PCDH9: variants seen among roughly 807,000 people sequenced by gnomAD.
The protein encoded by PCDH9 is protocadherin 9, also known as protocadherin-9.
In PCDH9, 24 loss-of-function variants were observed where a neutral mutation model predicts 70.6. That is an observed-to-expected ratio of 0.34 (90% confidence interval 0.25 to 0.48). The LOEUF (loss-of-function observed/expected upper bound fraction) is 0.48, where lower values mean the gene tolerates loss of function less well. PCDH9 is among the 20% of genes least tolerant of loss of function. The probability of loss-of-function intolerance (pLI) is 0.99; values close to 1 mark genes in which losing one functional copy is unlikely to be tolerated. For synonymous variants in PCDH9, 562 were observed against 558.5 expected, an observed-to-expected ratio of 1.01 and a Z score of -0.09; for missense variants, 1,281 against 1,503.6, an observed-to-expected ratio of 0.85 and a Z score of 2.45.
intron 4 of PCDH9, among the ~76,000 whole-genome samples, chr13:66,608,191 C>G (rs2138862697): frequency 6.6e-6 from 1 of 151,702 alleles, no homozygotes; most frequent in South Asian, 2.1e-4. Context: ...TAGGTATATA[C>G]AGTTCAGTAA....
At chr13:66,547,579 C>A (rs748617736) in intron 4 of PCDH9, among the ~76,000 whole-genome samples, 20 of 152,024 alleles carry the variant, frequency 1.3e-4, no homozygotes, top group Non-Finnish European at 2.4e-4. Context: ...AGAATATAGT[C>A]TTTCTTGTTA....
chr13:66,406,459 A>G (rs1369164621), intron 4 of PCDH9, among the ~76,000 whole-genome samples: 3 of 152,192 alleles, frequency 2.0e-5, no homozygotes, highest in Non-Finnish European at 4.4e-5. Context: ...ACTAATATTT[A>G]CTGTAACGCT....
chr13:67,017,141 T>C (rs1411518501), intron 2 of PCDH9, among the ~76,000 whole-genome samples: 1 of 152,220 alleles, frequency 6.6e-6, no homozygotes, highest in Non-Finnish European at 1.5e-5. Flanking sequence ...AAGCTGGCCA[T>C]GTCCTGTCTT....
intron 2 of PCDH9, among the ~76,000 whole-genome samples, chr13:66,953,798 G>A (rs947815016): frequency 2.0e-5 from 3 of 152,078 alleles, no homozygotes; most frequent in African/African-American, 4.8e-5. Flanking sequence ...TTTCTCCTCA[G>A]GTTCAGAATT....
At position 66,860,617 on chromosome 13, in the gene PCDH9, A is replaced by T. The variant is rs1042913705; in HGVS notation, c.3138+42887T>A. ...GGTCTTGCTATCTAAAGATATCAGCATGCAAGAAGTGCTCTGGCAGCTTGA... is the reference window on the plus strand; with the variant it reads ...GGTCTTGCTATCTAAAGATATCAGCTTGCAAGAAGTGCTCTGGCAGCTTGA... On this transcript the variant is annotated intron_variant, in intron 3 of 4. Transcript: ENST00000377865. Among the ~76,000 whole-genome samples, 6 of 152,358 alleles carry T rather than the reference A, an allele frequency of 3.9e-5. 1 individual carries two copies. The East Asian group carries it at 1.2e-3, about 29-fold the overall frequency.
At chr13:66,783,510 G>A (rs951088523) in intron 3 of PCDH9, among the ~76,000 whole-genome samples, 4 of 152,110 alleles carry the variant, frequency 2.6e-5, no homozygotes, top group African/African-American at 7.2e-5. Flanking sequence ...ATGAACAATA[G>A]AAGAAATTAA....
intron 4 of PCDH9, among the ~76,000 whole-genome samples, chr13:66,449,301 A>G (rs1958159945): frequency 6.6e-6 from 1 of 152,242 alleles, no homozygotes; most frequent in Non-Finnish European, 1.5e-5. Context: ...TAAATGTGCC[A>G]TGCAATGACA....
intron 2 of PCDH9, chr13:67,215,177 G>C (rs1430068990): frequency 1.3e-5 from 2 of 150,964 alleles, no homozygotes; most frequent in East Asian, 3.9e-4. Flanking sequence ...GAATTAAATA[G>C]GCCAAATAAT....
At chr13:66,779,688 GC>G (rs2079957747) in intron 3 of PCDH9, among the ~76,000 whole-genome samples, 1 of 151,730 alleles carries the variant, frequency 6.6e-6, no homozygotes, top group African/African-American at 2.4e-5. Context: ...GGGCGTAGTG[GC>G]ATGCTTCTGT....
At chr13:67,099,950 C>T (rs1239586549) in intron 2 of PCDH9, among the ~76,000 whole-genome samples, 1 of 152,156 alleles carries the variant, frequency 6.6e-6, no homozygotes, top group Non-Finnish European at 1.5e-5. Context: ...CACCGTATAA[C>T]ATCTATTATG....
chr13:67,057,475 T>C (rs2138115065), intron 2 of PCDH9, among the ~76,000 whole-genome samples: 1 of 152,020 alleles, frequency 6.6e-6, no homozygotes, highest in South Asian at 2.1e-4. Flanking sequence ...ATATGGCAAC[T>C]TTTTTCCTGG....
intron 4 of PCDH9, among the ~76,000 whole-genome samples, chr13:66,446,321 A>G (rs1958089733): frequency 6.6e-6 from 1 of 152,028 alleles, no homozygotes; most frequent in South Asian, 2.1e-4. Context: ...CACACTCAGA[A>G]ATGTTTAAAA....
At chr13:67,176,125 C>T (rs1437010787) in intron 2 of PCDH9, among the ~76,000 whole-genome samples, 1 of 152,040 alleles carries the variant, frequency 6.6e-6, no homozygotes. Context: ...GCGAATGTGT[C>T]CAACTGGGAA....
chr13:66,779,598 G>A (rs913103025), intron 3 of PCDH9, among the ~76,000 whole-genome samples: 39 of 151,950 alleles, frequency 2.6e-4, no homozygotes, highest in African/African-American at 3.6e-4. Flanking sequence ...GGAGGCAGGC[G>A]GATCACAAGG....
chr13:66,322,052 A>G (rs1472352374), intron 4 of PCDH9, among the ~76,000 whole-genome samples: 3 of 136,166 alleles, frequency 2.2e-5, no homozygotes, highest in African/African-American at 5.8e-5. Flanking sequence ...ATTTGGATGC[A>G]TGGGGGGGGT....
At chr13:66,963,274 G>A (rs916164497) in intron 2 of PCDH9, among the ~76,000 whole-genome samples, 2 of 152,180 alleles carry the variant, frequency 1.3e-5, no homozygotes, top group Admixed American at 6.5e-5. Flanking sequence ...CTTGGGGTTG[G>A]AGACTCCTAT....
Position 66,881,791 on chromosome 13 carries a change from A to T in PCDH9, c.3138+21713T>A, listed in dbSNP as rs543566676. On this transcript the variant is annotated intron_variant, in intron 3 of 4. Transcript: ENST00000377865. ...TGTGTATATTCTTGAATTCATAACC[A>T]TAGAAATGGGACAAAGAAATAAAAC... Among the ~76,000 whole-genome samples the T allele has an allele frequency of 1.2e-4, 18 of 152,318 alleles. 1 individual carries two copies. In the South Asian group the frequency reaches 3.5e-3, roughly 30 times the overall value.
At chr13:66,754,481 G>C (rs1326435927) in intron 3 of PCDH9, among the ~76,000 whole-genome samples, 1 of 151,974 alleles carries the variant, frequency 6.6e-6, no homozygotes, top group East Asian at 1.9e-4. Flanking sequence ...GTAGGATCAG[G>C]GAAGAGGCGA....
intron 3 of PCDH9, among the ~76,000 whole-genome samples, chr13:66,712,246 T>G (rs1441469570): frequency 1.3e-5 from 2 of 152,160 alleles, no homozygotes; most frequent in Non-Finnish European, 2.9e-5. Context: ...ATAGTTAAAT[T>G]TATATGATGT....
Sources: allele counts gnomAD v4.1 joint callset (sites outside exome capture counted in the v4.1 genomes callset), GRCh38; gene constraint gnomAD v4.1.1; transcripts MANE v1.5; gene names NCBI Gene and HGNC (gene_info 2026-07-23, HGNC 2026-07-21).